The following SNRPA variants were observed in gnomAD, a reference collection of about 807,000 sequenced individuals.
SNRPA encodes U1 small nuclear ribonucleoprotein A.
Under a neutral mutation model 24.5 loss-of-function variants are expected in SNRPA, and 10 were observed. The observed-to-expected ratio is 0.41, with a 90% confidence interval of 0.25 to 0.69. The LOEUF is 0.69. Among genes scored for constraint, SNRPA ranks in the 30% least tolerant of loss-of-function variants. The pLI is 0.33. For missense variants in SNRPA, 283 were observed against 394.7 expected (o/e 0.72, Z 2.40); for synonymous variants, 165 against 148.4 (o/e 1.11, Z -0.81).
At position 40,759,308 on chromosome 19, in the gene SNRPA, C is replaced by G. The variant is rs140774501; in HGVS notation, c.247-123C>G. On this transcript the variant is annotated intron_variant, in intron 2 of 5. Coordinates refer to ENST00000243563, the MANE Select transcript of SNRPA (RefSeq NM_004596.5). The stretch of plus-strand genomic sequence containing the variant: ...CAAGTGATCTGCTCGCTTTAGCCTC[C>G]CAAAGGGCTGGGATTACAGGCATGA... The G allele has an allele frequency of 2.8e-3, 2,609 of 933,928 alleles. 59 individuals are homozygous for G. In the African/African-American group the frequency reaches 0.04, roughly 14 times the overall value. 57.9% of individuals were successfully genotyped at this position (933,928 alleles called of 1,614,324 possible).
At chr19:40,755,838 C>G (rs983321595) in intron 1 of SNRPA, among the ~76,000 whole-genome samples, 2 of 152,198 alleles carry the variant, frequency 1.3e-5, no homozygotes, top group Non-Finnish European at 2.9e-5. Flanking sequence ...GTGGACTGGG[C>G]TCTGCCATAC....
At chr19:40,762,819 C>T in intron 3 of SNRPA, 82 bp from the exon 4 acceptor site, 2 of 1,442,732 alleles carry the variant, frequency 1.4e-6, no homozygotes, top group Non-Finnish European at 1.9e-6. Flanking sequence ...TTACATCTCT[C>T]ACCCGCTAGG....
At chr19:40,761,230 TA>T (rs1304123108) in intron 3 of SNRPA, among the ~76,000 whole-genome samples, 5 of 151,922 alleles carry the variant, frequency 3.3e-5, no homozygotes, top group South Asian at 2.1e-4. Context: ...TAGGTACAGC[TA>T]CACTTGTATA....
At chr19:40,763,160 GT>G in intron 4 of SNRPA, 86 bp downstream of exon 4, 1 of 1,133,004 alleles carries the variant, frequency 8.8e-7, no homozygotes, top group Admixed American at 2.7e-5. Flanking sequence ...GCTGCTGTAG[GT>G]TGGGTGGTCT....
intron 2 of SNRPA, among the ~76,000 whole-genome samples, chr19:40,758,008 C>T (rs2082915682): frequency 6.6e-6 from 1 of 151,462 alleles, no homozygotes; most frequent in Non-Finnish European, 1.5e-5. Context: ...CCTCTGTTGC[C>T]CAGGCTGGAG....
intron 3 of SNRPA, among the ~76,000 whole-genome samples, chr19:40,761,458 CTTTTTTTTTTTTT>C (rs200242370): frequency 1.3e-4 from 11 of 85,860 alleles, no homozygotes; most frequent in East Asian, 3.4e-4. Flanking sequence ...TTTTCTTTTT[CTTTTTTTTTTTTT>C]TTTTTTTTTT....
At chr19:40,761,822 A>T (rs922758459) in intron 3 of SNRPA, among the ~76,000 whole-genome samples, 1 of 152,108 alleles carries the variant, frequency 6.6e-6, no homozygotes, top group Admixed American at 6.6e-5. Context: ...GACCTTGGTG[A>T]GGGCATGAAA....
At chr19:40,757,891 G>A (rs1371330259) in intron 2 of SNRPA, among the ~76,000 whole-genome samples, 2 of 151,392 alleles carry the variant, frequency 1.3e-5, no homozygotes, top group East Asian at 2.0e-4. Flanking sequence ...GCAGTGAGCC[G>A]AGATCCTGCC....
intron 1 of SNRPA, among the ~76,000 whole-genome samples, chr19:40,754,564 A>T (rs1248923685): frequency 6.6e-6 from 1 of 152,178 alleles, no homozygotes; most frequent in African/African-American, 2.4e-5. Flanking sequence ...CAGGTACAGT[A>T]AGCAGTATTT....
Position 40,757,247 on chromosome 19 carries a change from C to T in SNRPA, c.74-85C>T, listed in dbSNP as rs79751394. 2,041 of 1,317,652 alleles carry T rather than the reference C, an allele frequency of 1.5e-3. 20 individuals are homozygous for T. The African/African-American group carries it at 0.023, about 15-fold the overall frequency. The allele number at this position is 1,317,652 out of a possible 1,614,324, so 81.6% of individuals were successfully genotyped here. A position where few individuals can be genotyped will look rare whatever the true frequency, so the allele number is the denominator to read the frequency against. Reference sequence around the variant, plus strand: ...TATGGACCCGAGGCATTCTGGGTACCCCATCAATTGGCTGATGGTCTTCTA... The same window carrying T: ...TATGGACCCGAGGCATTCTGGGTACTCCATCAATTGGCTGATGGTCTTCTA... On this transcript the variant is annotated intron_variant, in intron 1 of 5. Transcript: ENST00000243563.
chr19:40,753,541 C>T (rs1179184759), intron 1 of SNRPA, among the ~76,000 whole-genome samples: 2 of 149,598 alleles, frequency 1.3e-5, no homozygotes, highest in African/African-American at 2.4e-5. Flanking sequence ...GAATTACAGG[C>T]ACCCGCCACC....
Position 40,765,177 on chromosome 19 carries a change from C to T in SNRPA, c.*10C>T, listed in dbSNP as rs1385115571. The T allele has an allele frequency of 6.6e-7, 1 of 1,511,678 alleles. No individual in the cohort carries two copies. The highest frequency in any genetic ancestry group is 2.1e-5 in the Admixed American group (1 of 46,700). The allele number at this position is 1,511,678 out of a possible 1,614,324, so 93.6% of individuals were successfully genotyped here. A position where few individuals can be genotyped will look rare whatever the true frequency, so the allele number is the denominator to read the frequency against. ...CTTTGCCAAGAAGTAGCACCTTTTCCCCCCATGCCTGCCCCTTCCCCTGTT... is the reference window on the plus strand; with the variant it reads ...CTTTGCCAAGAAGTAGCACCTTTTCTCCCCATGCCTGCCCCTTCCCCTGTT... On this transcript the variant is annotated 3_prime_UTR_variant, in exon 6 of 6. Transcript: ENST00000243563.
chr19:40,760,122 G>A (rs745570513), intron 3 of SNRPA, among the ~76,000 whole-genome samples: 14 of 152,092 alleles, frequency 9.2e-5, no homozygotes, highest in Non-Finnish European at 1.6e-4. Context: ...CGCCTCCCAG[G>A]CTCAAGTGAT....
At chr19:40,761,612 A>G (rs2082933258) in intron 3 of SNRPA, among the ~76,000 whole-genome samples, 1 of 151,456 alleles carries the variant, frequency 6.6e-6, no homozygotes, top group Non-Finnish European at 1.5e-5. Context: ...GACTACAGGC[A>G]TGTGCCACCA....
At chr19:40,764,227 GTGTT>G (rs1436928771) in intron 5 of SNRPA, among the ~76,000 whole-genome samples, 5 of 152,158 alleles carry the variant, frequency 3.3e-5, no homozygotes, top group African/African-American at 1.2e-4. Context: ...GCATTCGTCA[GTGTT>G]TGTGGTGGGG....
intron 3 of SNRPA, among the ~76,000 whole-genome samples, chr19:40,760,901 T>C (rs2082928585): frequency 1.3e-5 from 2 of 152,204 alleles, no homozygotes; most frequent in Non-Finnish European, 2.9e-5. Flanking sequence ...GTTTTGTCAC[T>C]GCACTCCAGC....
Position 40,765,237 on chromosome 19 carries a change from C to A in SNRPA, c.*70C>A. 1 of 1,200,778 alleles carries A rather than the reference C, an allele frequency of 8.3e-7. No homozygotes were observed. Among genetic ancestry groups the A allele is most frequent in the Non-Finnish European group, 1.1e-6 (1 of 903,484 alleles). The allele number at this position is 1,200,778 out of a possible 1,614,324, so 74.4% of individuals were successfully genotyped here. A position where few individuals can be genotyped will look rare whatever the true frequency, so the allele number is the denominator to read the frequency against. Reference sequence around the variant, plus strand: ...CCCCTTTCCCCCTTGGCTCAGCCCCCTGAAGGTAAGTCCCCCCTTGGGGGC... The same window carrying A: ...CCCCTTTCCCCCTTGGCTCAGCCCCATGAAGGTAAGTCCCCCCTTGGGGGC... On this transcript the variant is annotated 3_prime_UTR_variant, in exon 6 of 6. Transcript: ENST00000243563.
intron 3 of SNRPA, among the ~76,000 whole-genome samples, chr19:40,760,544 G>C (rs1462357857): frequency 6.6e-6 from 1 of 152,146 alleles, no homozygotes; most frequent in Non-Finnish European, 1.5e-5. Context: ...AGGAATTTCG[G>C]TAAACACTGG....
Position 40,757,432 on chromosome 19 carries a change from C to T in SNRPA, c.174C>T (p.Ile58=), listed in dbSNP as rs202225969. ...AGATGAGGGGCCAGGCCTTTGTCAT[C>T]TTCAAGGAGGTCAGCAGCGCCACCA... The part of the protein sequence containing the change: ...SLKMRGQAFV[I]FKEVSSATNA... Residue 58 remains isoleucine (I), a synonymous_variant, in exon 2 of 6, where the codon ATC becomes ATT. Transcript: ENST00000243563. 21 of 1,614,170 alleles carry T rather than the reference C, an allele frequency of 1.3e-5. No individual in the cohort carries two copies. The East Asian group carries it at 4.5e-4, about 34-fold the overall frequency.
Sources: allele counts gnomAD v4.1 joint callset (sites outside exome capture counted in the v4.1 genomes callset), GRCh38; gene constraint gnomAD v4.1.1; transcripts MANE v1.5; gene names NCBI Gene and HGNC (gene_info 2026-07-23, HGNC 2026-07-21).